Variants in GALNT2 observed in about 807,000 individuals in gnomAD.
The protein encoded by GALNT2 is polypeptide N-acetylgalactosaminyltransferase 2, also known as UDP-GalNAc:polypeptide N-acetylgalactosaminyltransferase 2.
In GALNT2, 31 loss-of-function variants were observed where a neutral mutation model predicts 81.4. The observed-to-expected ratio is 0.38, with a 90% confidence interval of 0.29 to 0.51. The LOEUF (loss-of-function observed/expected upper bound fraction) is 0.51. GALNT2 is among the 20% of genes least tolerant of loss of function. The pLI, the probability that GALNT2 is intolerant of heterozygous loss-of-function variation, is 0.87. For missense variants in GALNT2, 629 were observed against 765.7 expected, an observed-to-expected ratio of 0.82 and a Z score of 2.11; for synonymous variants, 303 against 287.4, an observed-to-expected ratio of 1.05 and a Z score of -0.55.
chr1:230,178,002 C>G (rs1363949684), intron 1 of GALNT2, among the ~76,000 whole-genome samples: 3 of 152,132 alleles, frequency 2.0e-5, no homozygotes, highest in Admixed American at 6.5e-5. Flanking sequence ...AATGCAAACC[C>G]TTGGGAAAGG....
intron 1 of GALNT2, among the ~76,000 whole-genome samples, chr1:230,109,454 G>A (rs550751440): frequency 1.3e-5 from 2 of 152,314 alleles, no homozygotes; most frequent in East Asian, 3.9e-4. Context: ...GTCTGGGACT[G>A]GCTAATGACC....
chr1:230,237,726 A>G (rs542568037), intron 6 of GALNT2, among the ~76,000 whole-genome samples: 1 of 152,280 alleles, frequency 6.6e-6, no homozygotes, highest in Admixed American at 6.5e-5. Flanking sequence ...CAGTCCACCA[A>G]GCCTGGAATA....
intron 1 of GALNT2, among the ~76,000 whole-genome samples, chr1:230,176,238 T>G (rs1662975027): frequency 6.6e-6 from 1 of 151,834 alleles, no homozygotes; most frequent in Admixed American, 6.6e-5. Context: ...GGGTGAGGAG[T>G]GTTACCTGTG....
In GALNT2 at chr1:230,275,556, A is replaced by C. The variant is rs1666275354; in HGVS notation, c.1560+992A>C. Among the ~76,000 whole-genome samples, 2 of 151,602 alleles carry C rather than the reference A, an allele frequency of 1.3e-5. No homozygotes were observed. The highest frequency in any genetic ancestry group is 1.3e-4 in the Admixed American group (2 of 15,196). The stretch of plus-strand genomic sequence containing the variant: ...ACATAGATATACATATATAAACGCC[A>C]CATATATATACATATAAACACACCA... On this transcript the variant is annotated intron_variant, in intron 15 of 15. Coordinates refer to ENST00000366672, the MANE Select transcript of GALNT2 (RefSeq NM_004481.5). This position sits in a 1 kb window ranked among gnomAD's most constrained non-coding sequence, Gnocchi z 5.5.
intron 1 of GALNT2, among the ~76,000 whole-genome samples, chr1:230,068,241 C>T (rs185450111): frequency 2.6e-5 from 4 of 152,348 alleles, no homozygotes; most frequent in East Asian, 1.9e-4. Flanking sequence ...TGCGGTTCCG[C>T]GTCCTCGTGC....
At chr1:230,219,082 G>A (rs73114048) in intron 3 of GALNT2, among the ~76,000 whole-genome samples, 22,517 of 152,226 alleles carry the variant, frequency 0.15, 1,866 homozygotes, top group African/African-American at 0.22. Context: ...TAGAAAAATT[G>A]TCTTCCATGA....
At chr1:230,144,291 A>G (rs1434270318) in intron 1 of GALNT2, among the ~76,000 whole-genome samples, 1 of 152,192 alleles carries the variant, frequency 6.6e-6, no homozygotes, top group East Asian at 1.9e-4. Context: ...AATGTTAATA[A>G]TTACATGGAG....
At chr1:230,138,524 CAAAAA>C (rs35938447) in intron 1 of GALNT2, among the ~76,000 whole-genome samples, 2 of 75,930 alleles carry the variant, frequency 2.6e-5, no homozygotes. Context: ...GACTCTGTCT[CAAAAA>C]AAAAAAAAAA....
intron 1 of GALNT2, among the ~76,000 whole-genome samples, chr1:230,060,922 CTCTT>C (rs768782032): frequency 6.6e-6 from 1 of 152,178 alleles, no homozygotes; most frequent in African/African-American, 2.4e-5. Context: ...CTCTGCTTCT[CTCTT>C]TCTCTCTCTC....
intron 1 of GALNT2, among the ~76,000 whole-genome samples, chr1:230,157,587 G>A (rs1345526225): frequency 6.6e-6 from 1 of 152,190 alleles, no homozygotes; most frequent in Non-Finnish European, 1.5e-5. Context: ...CCACGACTGG[G>A]GAATGGATGA....
intron 1 of GALNT2, among the ~76,000 whole-genome samples, chr1:230,059,006 A>G (rs1658982697): frequency 6.6e-6 from 1 of 152,222 alleles, no homozygotes; most frequent in Non-Finnish European, 1.5e-5. Context: ...ACGAGTTCCC[A>G]TTATCCAATT....
intron 6 of GALNT2, among the ~76,000 whole-genome samples, chr1:230,237,360 C>T (rs1388413483): frequency 6.6e-6 from 1 of 152,074 alleles, no homozygotes; most frequent in East Asian, 1.9e-4. Context: ...TGTTAGAGAC[C>T]CTGAAGACTG....
chr1:230,268,583 G>T (rs945860429), intron 14 of GALNT2: 5 of 152,250 alleles, frequency 3.3e-5, no homozygotes, highest in African/African-American at 1.2e-4. Flanking sequence ...CAGAGTCTCG[G>T]GCCCCAGCTT....
chr1:230,194,317 C>T (rs903172246), intron 2 of GALNT2, among the ~76,000 whole-genome samples: 3 of 152,152 alleles, frequency 2.0e-5, no homozygotes, highest in Non-Finnish European at 4.4e-5. Flanking sequence ...GGCAGGGATG[C>T]GTCCTGCAGA....
At chr1:230,258,378 C>T (rs112087416) in intron 11 of GALNT2, among the ~76,000 whole-genome samples, 2,495 of 151,882 alleles carry the variant, frequency 0.016, 71 homozygotes, top group African/African-American at 0.057. Context: ...TACAGGCATG[C>T]GCCACCACAC....
chr1:230,073,678 C>A (rs942225414), intron 1 of GALNT2, among the ~76,000 whole-genome samples: 4 of 152,216 alleles, frequency 2.6e-5, no homozygotes, highest in African/African-American at 9.6e-5. Flanking sequence ...AAAAAGCTTT[C>A]CCAGGCTATG....
chr1:230,151,770 A>C (rs6658942), intron 1 of GALNT2, among the ~76,000 whole-genome samples: 118,452 of 152,126 alleles, frequency 0.78, 46,663 homozygotes, highest in Admixed American at 0.81. Context: ...TCCGTAGTGC[A>C]AAGTGAAAAG....
chr1:230,073,643 G>C (rs1659441949), intron 1 of GALNT2, among the ~76,000 whole-genome samples: 1 of 152,242 alleles, frequency 6.6e-6, no homozygotes, highest in South Asian at 2.1e-4. Flanking sequence ...CTGTCACATA[G>C]AGTCTCACTC....
At chr1:230,110,688 AG>A (rs142408080) in intron 1 of GALNT2, among the ~76,000 whole-genome samples, 3,299 of 146,582 alleles carry the variant, frequency 0.023, 151 homozygotes, top group African/African-American at 0.079. Flanking sequence ...CTAAGCCTTG[AG>A]GGTCTCTCTC....
Sources: allele counts gnomAD v4.1 joint callset (sites outside exome capture counted in the v4.1 genomes callset), GRCh38; gene constraint gnomAD v4.1.1; non-coding constraint Gnocchi (gnomAD v3.1); transcripts MANE v1.5; gene names NCBI Gene and HGNC (gene_info 2026-07-23, HGNC 2026-07-21).